Variants in GANC observed in about 807,000 individuals in gnomAD.
GANC encodes the protein glucosidase alpha, neutral C.
In GANC, 117 loss-of-function variants were observed where a neutral mutation model predicts 124.2. The ratio of observed to expected loss-of-function variants is 0.94; its 90% CI spans 0.81 to 1.10. The LOEUF (loss-of-function observed/expected upper bound fraction) is 1.10, where lower values mean the gene tolerates loss of function less well. GANC is among the 50% of genes least tolerant of loss of function. GANC has a pLI of 0.00. For missense variants in GANC, 1,140 were observed against 1,095.0 expected (o/e 1.04, Z -0.58); for synonymous variants, 377 against 376.8 (o/e 1.00, Z -0.01).
At chr15:42,299,556 A>G (rs767871215) in intron 6 of GANC, among the ~76,000 whole-genome samples, 1 of 152,202 alleles carries the variant, frequency 6.6e-6, no homozygotes, top group Non-Finnish European at 1.5e-5. Context: ...ATTCAATGCT[A>G]TTCCCATCAA....
chr15:42,324,866 G>A (rs142488587), intron 11 of GANC, among the ~76,000 whole-genome samples: 1 of 152,208 alleles, frequency 6.6e-6, no homozygotes, highest in Non-Finnish European at 1.5e-5. Context: ...GAGTTCTGGA[G>A]ATTGACTACA....
chr15:42,303,275 A>G (rs987361322), intron 6 of GANC, among the ~76,000 whole-genome samples: 5 of 152,222 alleles, frequency 3.3e-5, no homozygotes, highest in African/African-American at 1.2e-4. Context: ...AGCAAAGGAG[A>G]AAGAAAATCC....
intron 18 of GANC, among the ~76,000 whole-genome samples, chr15:42,342,862 G>C (rs2052337226): frequency 1.3e-5 from 2 of 152,140 alleles, no homozygotes; most frequent in African/African-American, 4.8e-5. Flanking sequence ...ATTAATGACA[G>C]GCGATGACCT....
chr15:42,339,733 A>C lies in GANC; in HGVS notation c.1908A>C (p.Gly636=). ...TELLVRWYQA[G]AYQPFFRGHA... is the part of the protein sequence containing the mutation. ...TGCTAGTGCGTTGGTACCAGGCTGG[A>C]GCCTACCAGCCCTTCTTCCGTGGCC... The change falls in exon 17 of 24, where the codon GGA becomes GGC. Residue 636 remains glycine, a synonymous_variant. Coordinates refer to ENST00000318010, the MANE Select transcript of GANC (RefSeq NM_198141.3). 1 of 1,614,058 alleles carries C rather than the reference A, an allele frequency of 6.2e-7. No individual in the cohort carries two copies. The highest frequency in any genetic ancestry group is 8.5e-7 in the Non-Finnish European group (1 of 1,179,940).
chr15:42,294,001 C>G (rs185638248), intron 5 of GANC, among the ~76,000 whole-genome samples: 3 of 151,318 alleles, frequency 2.0e-5, no homozygotes, highest in South Asian at 4.2e-4. Flanking sequence ...CAGTGAGCTG[C>G]GACTGTGGCA....
chr15:42,347,409 T>C (rs181199664), intron 20 of GANC, among the ~76,000 whole-genome samples: 114 of 152,022 alleles, frequency 7.5e-4, no homozygotes, highest in Admixed American at 1.6e-3. Context: ...TTATAGGAGG[T>C]GGGAAACCTA....
chr15:42,352,950 G>T lies in GANC; in HGVS notation c.*811G>T. 1 of 554,804 alleles carries T rather than the reference G, an allele frequency of 1.8e-6. No individual in the cohort carries two copies. Among genetic ancestry groups the T allele is most frequent in the Non-Finnish European group, 2.3e-6 (1 of 437,924 alleles). The allele number at this position is 554,804 out of a possible 1,614,324, so 34.4% of individuals were successfully genotyped here. A position where few individuals can be genotyped will look rare whatever the true frequency, so the allele number is the denominator to read the frequency against. Reference sequence around the variant, plus strand: ...CTGGCCTTGGGCACAAAATGTAAGGGATGCCAAAAAAATACAGTAATCAAA... The same window carrying T: ...CTGGCCTTGGGCACAAAATGTAAGGTATGCCAAAAAAATACAGTAATCAAA... On this transcript the variant is annotated 3_prime_UTR_variant, in exon 24 of 24. Coordinates refer to ENST00000318010, the MANE Select transcript of GANC (RefSeq NM_198141.3).
Position 42,274,399 on chromosome 15 carries a change from AAG to A in GANC, c.-81_-80del. On this transcript the variant is annotated 5_prime_UTR_variant, in exon 1 of 24. It introduces an in-frame stop codon into an upstream open reading frame of the 5' UTR. Coordinates refer to ENST00000318010, the MANE Select transcript of GANC (RefSeq NM_198141.3). ...ATGAAGTACTGGTTGTAATTTTAGA[AAG>A]ACACCCAATCGGCTTTTTTAAAAGA... 1 of 1,442,208 alleles carries A rather than the reference AAG, an allele frequency of 6.9e-7. No homozygotes were observed. Among genetic ancestry groups the A allele is most frequent in the South Asian group, 1.2e-5 (1 of 81,364 alleles). 89.3% of individuals were successfully genotyped at this position (1,442,208 alleles called of 1,614,324 possible).
intron 4 of GANC, among the ~76,000 whole-genome samples, chr15:42,292,440 C>A (rs189321540): frequency 6.6e-6 from 1 of 150,868 alleles, no homozygotes. Context: ...TCATTTAATT[C>A]TCTCCAAAAA....
Position 42,287,717 on chromosome 15 carries a change from T to C in GANC, c.228T>C (p.Gly76=). The C allele has an allele frequency of 1.2e-6, 2 of 1,612,888 alleles. No individual in the cohort carries two copies. The highest frequency in any genetic ancestry group is 1.1e-5 in the South Asian group (1 of 91,000). ...TTCCTCTCCTGGCTGAAATTTATGG[T>C]ATAGAAGGAAACATTTTCAGGCTTA... ...SKVPLLAEIY[G]IEGNIFRLKI... is the part of the protein sequence containing the mutation. The change falls in exon 4 of 24, where the codon GGT becomes GGC. Residue 76 remains glycine (G), a synonymous_variant. Transcript: ENST00000318010.
At chr15:42,310,150 A>C (rs2141044779) in intron 8 of GANC, 133 bp from the exon 9 acceptor site, 1 of 604,454 alleles carries the variant, frequency 1.7e-6, no homozygotes, top group Middle Eastern at 5.0e-4. Flanking sequence ...GGAAATCTTT[A>C]GGGAAGTGGC....
intron 6 of GANC, among the ~76,000 whole-genome samples, chr15:42,305,845 A>G (rs1361061850): frequency 6.6e-6 from 1 of 152,138 alleles, no homozygotes; most frequent in East Asian, 1.9e-4. Context: ...ACACAGGAAC[A>G]GAAAACCAAA....
At chr15:42,278,664 C>T in intron 3 of GANC, 74 bp downstream of exon 3, 1 of 1,028,496 alleles carries the variant, frequency 9.7e-7, no homozygotes, top group East Asian at 2.5e-5. Context: ...TAAATTAAAG[C>T]TATGTATGCT....
At chr15:42,345,126 A>G (rs935221067) in intron 19 of GANC, among the ~76,000 whole-genome samples, 5 of 152,098 alleles carry the variant, frequency 3.3e-5, no homozygotes, top group African/African-American at 9.7e-5. Flanking sequence ...AATTTATCCC[A>G]TCAAATTACT....
chr15:42,310,297 A>G lies in GANC; in HGVS notation c.737A>G (p.Tyr246Cys). 1 of 1,600,792 alleles carries G rather than the reference A, an allele frequency of 6.2e-7. No individual in the cohort carries two copies. The part of the protein sequence containing the change: ...QLKNTGDGDA[Y>C]RLYNLDVYGY... ...TTGTGTTTCAGTGATGGAGATGCTT[A>G]CCGTCTTTATAACCTGGATGTCTAT... is the stretch of plus-strand genomic sequence containing the variant. Residue 246 changes from tyrosine (Y) to cysteine (C), a missense_variant, in exon 9 of 24, where the codon TAC becomes TGC. Transcript: ENST00000318010.
At chr15:42,286,935 A>C (rs1442827527) in intron 3 of GANC, among the ~76,000 whole-genome samples, 1 of 152,096 alleles carries the variant, frequency 6.6e-6, no homozygotes, top group Non-Finnish European at 1.5e-5. Context: ...CCAGTTGAAA[A>C]CCATGGTCTT....
intron 11 of GANC, among the ~76,000 whole-genome samples, chr15:42,323,241 C>A (rs2141058040): frequency 6.6e-6 from 1 of 152,188 alleles, no homozygotes; most frequent in East Asian, 1.9e-4. Context: ...GACTCCAGAT[C>A]TTCTGTCCTT....
intron 1 of GANC, 114 bp downstream of exon 1, chr15:42,274,624 C>A: frequency 1.9e-6 from 2 of 1,060,256 alleles, no homozygotes; most frequent in Non-Finnish European, 1.3e-6. Context: ...TTTATCTTTT[C>A]TCTCAATTCG....
Position 42,352,021 on chromosome 15 carries a change from G to C in GANC, c.2636-9G>C. The stretch of plus-strand genomic sequence containing the variant: ...CAAAATTTCCCTCTTTTATTGTCTT[G>C]CTATTTAGATGGTAAAGATCAGCCT... On this transcript the variant is annotated splice_polypyrimidine_tract_variant and intron_variant, in intron 23 of 23. Transcript: ENST00000318010. 1 of 1,613,772 alleles carries C rather than the reference G, an allele frequency of 6.2e-7. No homozygotes were observed. The highest frequency in any genetic ancestry group is 2.2e-5 in the East Asian group (1 of 44,864).
Sources: allele counts gnomAD v4.1 joint callset (sites outside exome capture counted in the v4.1 genomes callset), GRCh38; gene constraint gnomAD v4.1.1; transcripts MANE v1.5; gene names NCBI Gene and HGNC (gene_info 2026-07-23, HGNC 2026-07-21).